The following SAMM50 variants were observed in gnomAD, a reference collection of about 807,000 sequenced individuals.
SAMM50 encodes the protein SAMM50 sorting and assembly machinery component.
SAMM50 carries 47 observed loss-of-function variants against 66.9 expected under a neutral mutation model. The ratio of observed to expected loss-of-function variants is 0.70; its 90% CI spans 0.56 to 0.90. The LOEUF (loss-of-function observed/expected upper bound fraction) is 0.90, where lower values mean the gene tolerates loss of function less well. Among genes scored for constraint, SAMM50 ranks in the 40% least tolerant of loss-of-function variants. SAMM50 has a pLI of 0.00. For synonymous variants in SAMM50, 191 were observed against 214.1 expected (o/e 0.89, Z 0.94); for missense variants, 535 against 595.3 (o/e 0.90, Z 1.05).
At chr22:43,989,725 C>T (rs1191457184) in intron 13 of SAMM50, among the ~76,000 whole-genome samples, 5 of 152,160 alleles carry the variant, frequency 3.3e-5, no homozygotes, top group Non-Finnish European at 5.9e-5. Context: ...ACATAATGCC[C>T]AGCATTAAGT....
At chr22:43,955,804 A>T (rs2146801704) in intron 1 of SAMM50, among the ~76,000 whole-genome samples, 1 of 152,356 alleles carries the variant, frequency 6.6e-6, no homozygotes, top group African/African-American at 2.4e-5. Flanking sequence ...GATAGGAGGG[A>T]CGAGACTTGG....
chr22:43,965,729 A>ATT (rs34296194), intron 3 of SAMM50, among the ~76,000 whole-genome samples: 30 of 151,526 alleles, frequency 2.0e-4, no homozygotes, highest in African/African-American at 6.8e-4. Flanking sequence ...CATTCTCTAC[A>ATT]TTTTTTTTTC....
intron 12 of SAMM50, chr22:43,986,873 C>T (rs1209173510): frequency 6.6e-6 from 1 of 152,172 alleles, no homozygotes; most frequent in African/African-American, 2.4e-5. Context: ...TCTTCAGCAC[C>T]TTTGTTGCTT....
intron 4 of SAMM50, 38 bp downstream of exon 4, chr22:43,968,856 C>T: frequency 6.9e-7 from 1 of 1,453,376 alleles, no homozygotes. Flanking sequence ...AATTCCCTTT[C>T]TGTCCATCAG....
At chr22:43,967,478 C>G (rs1366435218) in intron 3 of SAMM50, among the ~76,000 whole-genome samples, 2 of 152,238 alleles carry the variant, frequency 1.3e-5, no homozygotes, top group African/African-American at 4.8e-5. Context: ...CTCATGCACT[C>G]TACCTAGGCA....
rs182922112 is a variant in SAMM50 at position 43,982,473 on chromosome 22, A to T, written c.1007+1012A>T. Among the ~76,000 whole-genome samples the T allele has an allele frequency of 1.2e-4, 18 of 152,328 alleles. No individual in the cohort carries two copies. The East Asian group carries it at 3.3e-3, about 28-fold the overall frequency. On this transcript the variant is annotated intron_variant, in intron 11 of 14. Coordinates refer to ENST00000350028, the MANE Select transcript of SAMM50 (RefSeq NM_015380.5). ...TTTAGTGGATCCCTTTCCAGCGTGC[A>T]TGCAGGTGTAGCACCGAGGGCCTGG...
intron 14 of SAMM50, among the ~76,000 whole-genome samples, chr22:43,995,222 C>T (rs973818122): frequency 2.6e-5 from 4 of 152,080 alleles, no homozygotes; most frequent in Non-Finnish European, 4.4e-5. Flanking sequence ...AGGAGGCCGG[C>T]GCAGCATTTG....
At chr22:43,973,037 T>C in intron 6 of SAMM50, 36 bp downstream of exon 6, 1 of 1,574,740 alleles carries the variant, frequency 6.4e-7, no homozygotes, top group South Asian at 1.2e-5. Flanking sequence ...TACACTGGCC[T>C]GATAGAAAAG....
intron 10 of SAMM50, among the ~76,000 whole-genome samples, chr22:43,979,566 A>C (rs2050251718): frequency 1.4e-5 from 2 of 146,904 alleles, no homozygotes. Flanking sequence ...CTCCTCTCCT[A>C]CTCCCTGCCT....
At chr22:43,981,154 C>T (rs996602911) in intron 10 of SAMM50, among the ~76,000 whole-genome samples, 5 of 152,354 alleles carry the variant, frequency 3.3e-5, no homozygotes, top group South Asian at 2.1e-4. Flanking sequence ...GGGCCCTGCT[C>T]GCCTTCGGTG....
At chr22:43,990,468 T>C (rs1666833910) in intron 14 of SAMM50, 62 bp downstream of exon 14, 1 of 1,522,914 alleles carries the variant, frequency 6.6e-7, no homozygotes, top group Admixed American at 1.8e-5. Flanking sequence ...TATTTTGTTT[T>C]GGACGTGGTT....
intron 5 of SAMM50, 94 bp from the exon 6 acceptor site, chr22:43,972,777 A>G (rs1416460001): frequency 1.7e-6 from 2 of 1,179,770 alleles, no homozygotes; most frequent in East Asian, 2.5e-5. Flanking sequence ...TTCTGTTTTT[A>G]TGAAAGTCCC....
intron 12 of SAMM50, 143 bp from the exon 13 acceptor site, chr22:43,988,968 T>C: frequency 1.5e-6 from 1 of 666,056 alleles, no homozygotes; most frequent in Non-Finnish European, 2.5e-6. Flanking sequence ...GTATCAGGAA[T>C]GAGAAGAACA....
At chr22:43,978,519 C>A (rs1030226753) in intron 10 of SAMM50, among the ~76,000 whole-genome samples, 1 of 151,554 alleles carries the variant, frequency 6.6e-6, no homozygotes, top group Non-Finnish European at 1.5e-5. Context: ...CATCTCAGGG[C>A]CTTGGAGGAG....
chr22:43,983,871 C>A lies in SAMM50; in HGVS notation c.1008-62C>A. ...TCTGACATGTGTTTCCTACGCGTTC[C>A]GTGTGTCATGTCGTTTCTCACCTCC... On this transcript the variant is annotated intron_variant, in intron 11 of 14. Transcript: ENST00000350028. This position sits in a 1 kb window ranked among gnomAD's most constrained non-coding sequence, Gnocchi z 4.2. The A allele has an allele frequency of 8.5e-7, 1 of 1,177,746 alleles. No individual in the cohort carries two copies. The highest frequency in any genetic ancestry group is 1.2e-6 in the Non-Finnish European group (1 of 806,598). 73.0% of individuals were successfully genotyped at this position (1,177,746 alleles called of 1,614,324 possible).
intron 12 of SAMM50, chr22:43,987,905 T>TATATAC (rs1485403883): frequency 2.6e-5 from 4 of 151,380 alleles, no homozygotes; most frequent in African/African-American, 9.8e-5. Flanking sequence ...TGTGTATATA[T>TATATAC]ATATATATAC....
At chr22:43,985,272 T>A (rs2050286365) in intron 12 of SAMM50, among the ~76,000 whole-genome samples, 1 of 151,982 alleles carries the variant, frequency 6.6e-6, no homozygotes, top group Admixed American at 6.5e-5. Flanking sequence ...TTCTGTGGGC[T>A]TTGACAAATG....
rs147789611 is a variant in SAMM50 at position 43,972,953 on chromosome 22, C to T, written c.512C>T (p.Ser171Leu). ...FQFSYGTKET[S>L]YGLSFFKPRP... ...TTTTCCTATGGAACAAAAGAAACTT[C>T]GTATGGCCTGTCCTTCTTCAAACCA... The change falls in exon 6 of 15, where the codon TCG (serine) becomes TTG (leucine). Residue 171 changes from serine (S) to leucine (L), a missense_variant. Physicochemically the swap from Ser to Leu is moderately radical, Grantham distance 145 (BLOSUM62 -2). Coordinates refer to ENST00000350028, the MANE Select transcript of SAMM50 (RefSeq NM_015380.5). The T allele has an allele frequency of 2.7e-5, 43 of 1,600,450 alleles. No homozygotes were observed. Among genetic ancestry groups the T allele is most frequent in the Middle Eastern group, 1.7e-4 (1 of 6,030 alleles).
At chr22:43,993,657 C>T (rs5764052) in intron 14 of SAMM50, among the ~76,000 whole-genome samples, 2 of 152,174 alleles carry the variant, frequency 1.3e-5, no homozygotes, top group Non-Finnish European at 2.9e-5. Flanking sequence ...CCTGGCACCC[C>T]GAGTGTGGAA....
Sources: allele counts gnomAD v4.1 joint callset (sites outside exome capture counted in the v4.1 genomes callset), GRCh38; gene constraint gnomAD v4.1.1; non-coding constraint Gnocchi (gnomAD v3.1); transcripts MANE v1.5; gene names NCBI Gene and HGNC (gene_info 2026-07-23, HGNC 2026-07-21).